EGFR: variants seen among roughly 807,000 people sequenced by gnomAD.
The protein encoded by EGFR is epidermal growth factor receptor.
A neutral mutation model predicts 143.0 loss-of-function variants in EGFR; 58 were observed. The ratio of observed to expected loss-of-function variants is 0.41; its 90% CI spans 0.33 to 0.50. EGFR has a LOEUF of 0.50. Among genes scored for constraint, EGFR ranks in the 20% least tolerant of loss-of-function variants. EGFR has a pLI of 0.39. For synonymous variants in EGFR, 613 were observed against 594.4 expected (o/e 1.03, Z -0.45); for missense variants, 1,307 against 1,579.0 (o/e 0.83, Z 2.92).
intron 1 of EGFR, among the ~76,000 whole-genome samples, chr7:55,027,987 AAAAAATAT>A (rs1486660775): frequency 3.8e-5 from 3 of 79,130 alleles, no homozygotes; most frequent in African/African-American, 5.2e-5. Flanking sequence ...AAAAAAAAAA[AAAAAATAT>A]ATATATATAT....
intron 7 of EGFR, 97 bp from the exon 8 acceptor site, chr7:55,155,733 C>A (rs1275785423): frequency 2.2e-6 from 2 of 891,864 alleles, no homozygotes; most frequent in East Asian, 2.4e-5. Flanking sequence ...GAGGATGGAG[C>A]CTTTCCATCA....
At chr7:55,146,559 T>A (rs769233046) in intron 3 of EGFR, 47 bp from the exon 4 acceptor site, 1 of 1,612,908 alleles carries the variant, frequency 6.2e-7, no homozygotes. Context: ...TCATGGGAAT[T>A]TAAAGGAGCT....
intron 27 of EGFR, among the ~76,000 whole-genome samples, chr7:55,204,308 ACGC>A (rs1297646968): frequency 4.7e-4 from 69 of 146,364 alleles, no homozygotes; most frequent in Middle Eastern, 7.1e-3. Context: ...ACATGTACAC[ACGC>A]CACACACACA....
intron 1 of EGFR, among the ~76,000 whole-genome samples, chr7:55,070,918 A>G (rs1789785231): frequency 6.6e-6 from 1 of 152,264 alleles, no homozygotes; most frequent in African/African-American, 2.4e-5. Context: ...GGAGAATCTT[A>G]TTTAATCCAA....
intron 1 of EGFR, among the ~76,000 whole-genome samples, chr7:55,048,147 GATA>G (rs1788287162): frequency 6.6e-6 from 1 of 152,046 alleles, no homozygotes; most frequent in Non-Finnish European, 1.5e-5. Flanking sequence ...TAATAAAGAT[GATA>G]ATAAAAAAAT....
At chr7:55,171,071 A>T in intron 15 of EGFR, 104 bp from the exon 16 acceptor site, 1 of 1,557,160 alleles carries the variant, frequency 6.4e-7, no homozygotes. Context: ...ATTATTTAAG[A>T]GTAGTTTAGC....
At chr7:55,136,233 C>G (rs969178505) in intron 1 of EGFR, among the ~76,000 whole-genome samples, 3 of 152,148 alleles carry the variant, frequency 2.0e-5, no homozygotes, top group Admixed American at 6.5e-5. Context: ...ATCCATTCAT[C>G]TTATTTGAGA....
At chr7:55,061,514 G>A (rs938308659) in intron 1 of EGFR, among the ~76,000 whole-genome samples, 1 of 152,072 alleles carries the variant, frequency 6.6e-6, no homozygotes, top group South Asian at 2.1e-4. Flanking sequence ...CTCTTGCCCT[G>A]CATGCATTTC....
chr7:55,211,503 T>C lies in EGFR; in HGVS notation c.*5886T>C, dbSNP rs982381202. 6.6e-6 allele frequency: 1 copy of C among 152,248 alleles called. No homozygotes were observed. Among genetic ancestry groups the C allele is most frequent in the African/African-American group, 2.4e-5 (1 of 41,468 alleles). The allele number at this position is 152,248 out of a possible 1,614,324, so 9.4% of individuals were successfully genotyped here. ...AAATGAAAAGCAGAATTCTCTTTTA[T>C]ATGGTTTATACTGTTGATCAGAAAT... On this transcript the variant is annotated 3_prime_UTR_variant, in exon 28 of 28. Transcript: ENST00000275493.
intron 11 of EGFR, 147 bp downstream of exon 11, chr7:55,157,900 A>G (rs17289942): frequency 2.4e-5 from 20 of 827,976 alleles, no homozygotes; most frequent in Admixed American, 1.0e-4. Flanking sequence ...GAGCAGGCAC[A>G]GGGAGCAAGA....
intron 1 of EGFR, among the ~76,000 whole-genome samples, chr7:55,085,007 T>C (rs1207062618): frequency 6.6e-6 from 1 of 152,186 alleles, no homozygotes; most frequent in African/African-American, 2.4e-5. Flanking sequence ...ACAGTTTCTC[T>C]GGAATGACCT....
rs79660368 is a variant in EGFR at position 55,158,475 on chromosome 7, C to A, written c.1298+722C>A. Among the ~76,000 whole-genome samples the A allele has an allele frequency of 1.4e-3, 219 of 152,306 alleles. 5 individuals are homozygous for A. The East Asian group carries it at 0.039, about 27-fold the overall frequency. Reference sequence around the variant, plus strand: ...TGAAATATGCATTGCCTCCCATAAACTCCCTTGGCTCTGAATCTCTGATAC... The same window carrying A: ...TGAAATATGCATTGCCTCCCATAAAATCCCTTGGCTCTGAATCTCTGATAC... On this transcript the variant is annotated intron_variant, in intron 11 of 27. Coordinates refer to ENST00000275493, the MANE Select transcript of EGFR (RefSeq NM_005228.5).
chr7:55,055,873 C>A (rs534699026), intron 1 of EGFR, among the ~76,000 whole-genome samples: 3 of 152,168 alleles, frequency 2.0e-5, no homozygotes, highest in African/African-American at 7.2e-5. Context: ...GTTCCTTGAG[C>A]GTCTTCCACT....
intron 1 of EGFR, among the ~76,000 whole-genome samples, chr7:55,122,700 C>T (rs1370824472): frequency 1.3e-5 from 2 of 152,234 alleles, no homozygotes; most frequent in Non-Finnish European, 2.9e-5. Context: ...CACAGGACAG[C>T]TCAAGCATCA....
intron 1 of EGFR, among the ~76,000 whole-genome samples, chr7:55,093,263 T>A (rs1383234935): frequency 6.6e-6 from 1 of 152,256 alleles, no homozygotes; most frequent in Non-Finnish European, 1.5e-5. Context: ...AGATACTGCC[T>A]TCCATGTTTT....
intron 1 of EGFR, among the ~76,000 whole-genome samples, chr7:55,134,579 C>T (rs1183577259): frequency 1.3e-5 from 2 of 152,250 alleles, no homozygotes; most frequent in Non-Finnish European, 1.5e-5. Flanking sequence ...GTATTGAATA[C>T]ATAACAGATC....
intron 1 of EGFR, among the ~76,000 whole-genome samples, chr7:55,057,083 G>C (rs528540177): frequency 1.3e-5 from 2 of 152,208 alleles, no homozygotes; most frequent in Non-Finnish European, 2.9e-5. Context: ...TGGTACTGAA[G>C]GTGCTATCAT....
rs17336156 is a variant in EGFR at position 55,106,343 on chromosome 7, A to G, written c.89-35943A>G. On this transcript the variant is annotated intron_variant, in intron 1 of 27. Transcript: ENST00000275493. ...ACAAAACCATTCTGGGTCAGAAGCCACCAATATTGTCATCATCCTCCCTTT... is the reference window on the plus strand; with the variant it reads ...ACAAAACCATTCTGGGTCAGAAGCCGCCAATATTGTCATCATCCTCCCTTT... Among the ~76,000 whole-genome samples, 1,048 of 152,344 alleles carry G rather than the reference A, an allele frequency of 6.9e-3. 10 individuals are homozygous for G. The highest frequency in any genetic ancestry group is 0.024 in the African/African-American group (1,010 of 41,598).
intron 1 of EGFR, among the ~76,000 whole-genome samples, chr7:55,020,883 A>AG (rs1373211060): frequency 7.0e-6 from 1 of 143,678 alleles, no homozygotes; most frequent in Non-Finnish European, 1.5e-5. Context: ...ATTACCTGGG[A>AG]TTAAAAAAAA....
Sources: allele counts gnomAD v4.1 joint callset (sites outside exome capture counted in the v4.1 genomes callset), GRCh38; gene constraint gnomAD v4.1.1; transcripts MANE v1.5; gene names NCBI Gene and HGNC (gene_info 2026-07-23, HGNC 2026-07-21).